SBF2: variants seen among roughly 807,000 people sequenced by gnomAD.
The protein encoded by SBF2 is SET binding factor 2, also known as myotubularin-related protein 13.
A neutral mutation model predicts 225.2 loss-of-function variants in SBF2; 112 were observed. That is an observed-to-expected ratio of 0.50 (90% confidence interval 0.43 to 0.58). The LOEUF (loss-of-function observed/expected upper bound fraction) is 0.58, where lower values mean the gene tolerates loss of function less well. SBF2 is among the 20% of genes least tolerant of loss of function. The probability of loss-of-function intolerance (pLI) is 0.00; values close to 1 mark genes in which losing one functional copy is unlikely to be tolerated. For synonymous variants in SBF2, 763 were observed against 773.3 expected (o/e 0.99, Z 0.22); for missense variants, 1,996 against 2,206.2 (o/e 0.90, Z 1.91).
chr11:10,245,855 C>G (rs1159248721), intron 1 of SBF2, among the ~76,000 whole-genome samples: 1 of 152,160 alleles, frequency 6.6e-6, no homozygotes, highest in Non-Finnish European at 1.5e-5. Context: ...ATGGGTAAAT[C>G]TGAAGGACAC....
chr11:10,234,885 G>A (rs186781580), intron 1 of SBF2, among the ~76,000 whole-genome samples: 5 of 152,280 alleles, frequency 3.3e-5, no homozygotes, highest in Non-Finnish European at 5.9e-5. Flanking sequence ...AAAGGGATAC[G>A]GGTGGCCAGG....
chr11:10,137,401 G>A (rs1454957443), intron 2 of SBF2, among the ~76,000 whole-genome samples: 1 of 152,062 alleles, frequency 6.6e-6, no homozygotes, highest in Non-Finnish European at 1.5e-5. Flanking sequence ...TTGTTTTGTG[G>A]TATTGAGCTG....
chr11:9,925,300 A>ATT (rs902120377), intron 16 of SBF2, among the ~76,000 whole-genome samples: 9 of 151,850 alleles, frequency 5.9e-5, no homozygotes, highest in Admixed American at 2.0e-4. Flanking sequence ...ATATATATAT[A>ATT]TTTTTAGATG....
At chr11:9,921,142 C>T (rs960539005) in intron 16 of SBF2, among the ~76,000 whole-genome samples, 4 of 142,692 alleles carry the variant, frequency 2.8e-5, no homozygotes, top group South Asian at 2.2e-4. Flanking sequence ...TTGATCTCAG[C>T]TCACTGCAAC....
intron 1 of SBF2, among the ~76,000 whole-genome samples, chr11:10,228,739 T>C (rs1485676233): frequency 2.0e-5 from 3 of 152,194 alleles, no homozygotes; most frequent in Non-Finnish European, 4.4e-5. Context: ...TTATTGAGGA[T>C]TTTTGCATCA....
intron 6 of SBF2, among the ~76,000 whole-genome samples, chr11:10,017,314 T>C (rs1011420060): frequency 1.1e-4 from 17 of 152,230 alleles, no homozygotes; most frequent in African/African-American, 4.1e-4. Context: ...AAGACCATGT[T>C]TCAAAACAGA....
intron 13 of SBF2, among the ~76,000 whole-genome samples, chr11:9,974,851 T>C (rs1193197063): frequency 6.7e-6 from 1 of 148,544 alleles, no homozygotes; most frequent in Admixed American, 6.7e-5. Flanking sequence ...TCCCAGCTAC[T>C]TGGGAGGCTG....
intron 2 of SBF2, among the ~76,000 whole-genome samples, chr11:10,093,445 A>T (rs1007102309): frequency 6.6e-6 from 1 of 151,936 alleles, no homozygotes; most frequent in Non-Finnish European, 1.5e-5. Context: ...CTTTAGATGT[A>T]AGATTTAATT....
At chr11:9,795,984 G>C in intron 32 of SBF2, 27 bp from the exon 33 acceptor site, 1 of 1,609,604 alleles carries the variant, frequency 6.2e-7, no homozygotes, top group African/African-American at 1.3e-5. Context: ...AAAGAAAAGA[G>C]TAAGAATCAA....
chr11:9,988,723 G>C (rs1246775848), intron 13 of SBF2, among the ~76,000 whole-genome samples: 2 of 152,298 alleles, frequency 1.3e-5, no homozygotes, highest in Admixed American at 6.5e-5. Flanking sequence ...ACTTCTGCAA[G>C]AATGGCCATA....
At chr11:9,887,346 A>C (rs1197458252) in intron 17 of SBF2, among the ~76,000 whole-genome samples, 5 of 152,112 alleles carry the variant, frequency 3.3e-5, no homozygotes, top group Non-Finnish European at 7.4e-5. Flanking sequence ...ACTAGTTTAA[A>C]TAGTATATAT....
At chr11:10,160,461 A>C (rs1955682069) in intron 2 of SBF2, among the ~76,000 whole-genome samples, 1 of 150,084 alleles carries the variant, frequency 6.7e-6, no homozygotes, top group South Asian at 2.2e-4. Flanking sequence ...GAGAGGAAAA[A>C]AGGAAGAAGG....
intron 1 of SBF2, among the ~76,000 whole-genome samples, chr11:10,223,546 G>C (rs1332244746): frequency 1.3e-5 from 2 of 150,860 alleles, no homozygotes; most frequent in East Asian, 3.9e-4. Flanking sequence ...AATACTGAAA[G>C]TTTATGTCAT....
intron 32 of SBF2, among the ~76,000 whole-genome samples, chr11:9,802,588 T>C (rs548032342): frequency 2.0e-5 from 3 of 152,346 alleles, no homozygotes; most frequent in Admixed American, 6.5e-5. Flanking sequence ...TTGATGTTTC[T>C]GGGCCTAGTT....
At chr11:9,823,570 C>T (rs559914585) in intron 28 of SBF2, among the ~76,000 whole-genome samples, 1 of 151,414 alleles carries the variant, frequency 6.6e-6, no homozygotes, top group Admixed American at 6.6e-5. Context: ...GTATCTAACT[C>T]TGGAAGAATG....
chr11:9,893,154 C>T (rs1020921954), intron 17 of SBF2, among the ~76,000 whole-genome samples: 43 of 152,108 alleles, frequency 2.8e-4, no homozygotes, highest in African/African-American at 1.0e-3. Flanking sequence ...GCTGGCAAGA[C>T]CCAGGAATTT....
intron 2 of SBF2, among the ~76,000 whole-genome samples, chr11:10,161,819 T>TA (rs1565301356): frequency 1.4e-5 from 2 of 147,204 alleles, no homozygotes; most frequent in South Asian, 4.3e-4. Context: ...AAAAAAATAA[T>TA]AATTAAAAAA....
chr11:10,004,061 C>T (rs935783303), intron 6 of SBF2, among the ~76,000 whole-genome samples: 1 of 152,106 alleles, frequency 6.6e-6, no homozygotes, highest in Non-Finnish European at 1.5e-5. Flanking sequence ...CCATGTGATA[C>T]ATCAGAATTT....
intron 35 of SBF2, among the ~76,000 whole-genome samples, chr11:9,788,826 C>T (rs897533739): frequency 2.7e-4 from 41 of 149,958 alleles, no homozygotes; most frequent in African/African-American, 9.4e-4. Context: ...AGGATGGTCT[C>T]GATCTCCTGA....
Sources: allele counts gnomAD v4.1 joint callset (sites outside exome capture counted in the v4.1 genomes callset), GRCh38; gene constraint gnomAD v4.1.1; transcripts MANE v1.5; gene names NCBI Gene and HGNC (gene_info 2026-07-23, HGNC 2026-07-21).